KIAA1328: variants seen among roughly 807,000 people sequenced by gnomAD.
The protein encoded by KIAA1328 is protein hinderin.
In KIAA1328, 52 loss-of-function variants were observed where a neutral mutation model predicts 68.1. The observed-to-expected ratio is 0.76, with a 90% CI of 0.61 to 0.96. The LOEUF is 0.96. Among genes scored for constraint, KIAA1328 ranks in the 40% least tolerant of loss-of-function variants. The pLI is 0.00. For synonymous variants in KIAA1328, 232 were observed against 239.4 expected (o/e 0.97, Z 0.28); for missense variants, 641 against 677.6 (o/e 0.95, Z 0.60).
chr18:37,082,324 A>G (rs1229332104), intron 7 of KIAA1328, among the ~76,000 whole-genome samples: 20 of 152,006 alleles, frequency 1.3e-4, no homozygotes, highest in Admixed American at 1.3e-3. Context: ...GGCACCTGCC[A>G]CCACGCACAG....
intron 7 of KIAA1328, among the ~76,000 whole-genome samples, chr18:37,154,303 G>A (rs1252633496): frequency 1.3e-5 from 2 of 152,122 alleles, no homozygotes; most frequent in African/African-American, 4.8e-5. Flanking sequence ...GTATTGCCAA[G>A]CTGTGAATCA....
At chr18:36,956,767 A>G (rs908620138) in intron 5 of KIAA1328, among the ~76,000 whole-genome samples, 7 of 152,188 alleles carry the variant, frequency 4.6e-5, no homozygotes, top group African/African-American at 1.4e-4. Context: ...TTCACCTACT[A>G]TAAAAATTAC....
chr18:36,952,424 T>A (rs1414023466), intron 5 of KIAA1328, among the ~76,000 whole-genome samples: 2 of 152,148 alleles, frequency 1.3e-5, no homozygotes, highest in South Asian at 2.1e-4. Context: ...TTTTAAAAAA[T>A]GTATTGAATA....
chr18:37,046,610 C>CAGATAGAAAG (rs2055481138), intron 6 of KIAA1328, among the ~76,000 whole-genome samples: 1 of 152,172 alleles, frequency 6.6e-6, no homozygotes, highest in Non-Finnish European at 1.5e-5. Flanking sequence ...TTGGCTCTTT[C>CAGATAGAAAG]ATGTTCTCAA....
intron 5 of KIAA1328, among the ~76,000 whole-genome samples, chr18:36,937,762 C>G (rs1393706789): frequency 6.6e-6 from 1 of 151,816 alleles, no homozygotes; most frequent in African/African-American, 2.4e-5. Flanking sequence ...CCTTCATTCC[C>G]ACCTCCCCAC....
intron 6 of KIAA1328, among the ~76,000 whole-genome samples, chr18:37,042,865 G>A (rs1014866612): frequency 9.2e-5 from 14 of 151,994 alleles, no homozygotes; most frequent in African/African-American, 2.9e-4. Context: ...TGGCTCTCCC[G>A]TTTCATGTAT....
intron 7 of KIAA1328, among the ~76,000 whole-genome samples, chr18:37,100,545 A>T (rs545872792): frequency 6.3e-4 from 96 of 152,324 alleles, no homozygotes; most frequent in African/African-American, 2.2e-3. Flanking sequence ...GGTGGAGCCC[A>T]CCGCAGCTCA....
chr18:37,200,957 G>T (rs1218343956), intron 9 of KIAA1328, among the ~76,000 whole-genome samples: 1 of 151,238 alleles, frequency 6.6e-6, no homozygotes, highest in African/African-American at 2.4e-5. Context: ...CAAAATATTA[G>T]TATCAAGGTG....
At chr18:37,025,648 A>G (rs2054541063) in intron 6 of KIAA1328, among the ~76,000 whole-genome samples, 1 of 152,250 alleles carries the variant, frequency 6.6e-6, no homozygotes, top group Non-Finnish European at 1.5e-5. Flanking sequence ...AAATGAAGGC[A>G]GAAATAAAGT....
At chr18:37,018,991 A>G (rs1411478199) in intron 6 of KIAA1328, among the ~76,000 whole-genome samples, 1 of 152,176 alleles carries the variant, frequency 6.6e-6, no homozygotes, top group African/African-American at 2.4e-5. Context: ...TGGTATCATT[A>G]CATTCAAATT....
chr18:37,074,061 T>C (rs1470957686), intron 7 of KIAA1328, among the ~76,000 whole-genome samples: 1 of 152,228 alleles, frequency 6.6e-6, no homozygotes, highest in Non-Finnish European at 1.5e-5. Context: ...AGCCTCCCAC[T>C]GGACCTTTGC....
intron 5 of KIAA1328, among the ~76,000 whole-genome samples, chr18:36,889,667 T>C (rs1040560410): frequency 5.3e-5 from 8 of 152,202 alleles, no homozygotes; most frequent in Non-Finnish European, 8.8e-5. Flanking sequence ...TGCAGGCCTA[T>C]TGGAATTTGA....
At chr18:36,945,136 G>T (rs2050853793) in intron 5 of KIAA1328, among the ~76,000 whole-genome samples, 1 of 152,106 alleles carries the variant, frequency 6.6e-6, no homozygotes, top group Non-Finnish European at 1.5e-5. Flanking sequence ...TATTAAAATA[G>T]TAAAGTAAAA....
chr18:37,121,584 A>G (rs1346363787), intron 7 of KIAA1328, among the ~76,000 whole-genome samples: 1 of 152,142 alleles, frequency 6.6e-6, no homozygotes, highest in Non-Finnish European at 1.5e-5. Context: ...GAGGTATAGG[A>G]TCATGTCCTC....
intron 4 of KIAA1328, among the ~76,000 whole-genome samples, chr18:36,859,154 A>C (rs2047476415): frequency 6.6e-6 from 1 of 152,064 alleles, no homozygotes; most frequent in Non-Finnish European, 1.5e-5. Context: ...TATTTTAATT[A>C]TATCTTAATA....
intron 6 of KIAA1328, among the ~76,000 whole-genome samples, chr18:36,972,106 A>G (rs910273977): frequency 2.0e-5 from 3 of 152,230 alleles, no homozygotes; most frequent in African/African-American, 7.2e-5. Context: ...AAATCCATAT[A>G]ATAAACCCTA....
chr18:36,831,417 G>C (rs1008487041), intron 1 of KIAA1328, among the ~76,000 whole-genome samples: 2 of 152,112 alleles, frequency 1.3e-5, no homozygotes. Context: ...ATGAGTGTGT[G>C]GTGTTGTCAT....
At chr18:36,992,691 C>T (rs951811709) in intron 6 of KIAA1328, among the ~76,000 whole-genome samples, 3 of 152,048 alleles carry the variant, frequency 2.0e-5, no homozygotes, top group African/African-American at 4.8e-5. Context: ...GAGGAGATAA[C>T]GTTTGAGCTG....
intron 7 of KIAA1328, among the ~76,000 whole-genome samples, chr18:37,117,315 A>G (rs1026165747): frequency 2.0e-5 from 3 of 152,196 alleles, no homozygotes; most frequent in African/African-American, 4.8e-5. Flanking sequence ...ATGCAGCCAT[A>G]AAAAAGGATG....
Sources: allele counts gnomAD v4.1 joint callset (sites outside exome capture counted in the v4.1 genomes callset), GRCh38; gene constraint gnomAD v4.1.1; transcripts MANE v1.5; gene names NCBI Gene and HGNC (gene_info 2026-07-23, HGNC 2026-07-21).